The following KDM7A variants were observed in gnomAD, a reference collection of about 807,000 sequenced individuals.
KDM7A encodes the protein lysine demethylase 7A.
KDM7A carries 28 observed loss-of-function variants against 114.8 expected under a neutral mutation model. The ratio of observed to expected loss-of-function variants is 0.24; its 90% CI spans 0.18 to 0.33. KDM7A has a LOEUF of 0.33. KDM7A is among the 10% of genes least tolerant of loss of function. The pLI, the probability that KDM7A is intolerant of heterozygous loss-of-function variation, is 1.00. For synonymous variants in KDM7A, 423 were observed against 397.8 expected, an observed-to-expected ratio of 1.06 and a Z score of -0.75; for missense variants, 942 against 1,142.5, an observed-to-expected ratio of 0.82 and a Z score of 2.53.
chr7:140,131,109 C>T (rs1056949908), intron 3 of KDM7A, among the ~76,000 whole-genome samples: 1 of 152,022 alleles, frequency 6.6e-6, no homozygotes, highest in Non-Finnish European at 1.5e-5. Context: ...GCTCATGATC[C>T]ACCCACCTCG....
intron 1 of KDM7A, among the ~76,000 whole-genome samples, chr7:140,166,246 C>T (rs971790139): frequency 5.3e-5 from 8 of 151,910 alleles, no homozygotes; most frequent in Non-Finnish European, 7.4e-5. Context: ...ATACGATTCT[C>T]TCCACAGATG....
At position 140,097,560 on chromosome 7, in the gene KDM7A, G is replaced by T. The variant is rs148957004; in HGVS notation, c.2001C>A (p.Pro667=). 3.1e-6 allele frequency: 5 copies of T among 1,590,446 alleles called. No individual in the cohort carries two copies. The South Asian group carries it at 4.4e-5, about 14-fold the overall frequency. The change falls in exon 15 of 20, where the codon CCC becomes CCA. Residue 667 remains proline, a synonymous_variant. Transcript: ENST00000397560. ...SDISESEDSG[P]ECTALKSIFT... The stretch of plus-strand genomic sequence containing the variant: ...TCAGGCGTACCAGTGCAGTGCACTC[G>T]GGTCCGGAGTCTTCTGACTCAGAAA...
intron 1 of KDM7A, among the ~76,000 whole-genome samples, chr7:140,171,459 T>C (rs1211707066): frequency 6.7e-6 from 1 of 148,660 alleles, no homozygotes; most frequent in African/African-American, 2.5e-5. Flanking sequence ...CAGAGCAAGA[T>C]TCGGTCTCAA....
At chr7:140,165,059 A>T (rs1794559150) in intron 1 of KDM7A, among the ~76,000 whole-genome samples, 1 of 152,228 alleles carries the variant, frequency 6.6e-6, no homozygotes, top group Non-Finnish European at 1.5e-5. Context: ...TTGAAAGGAA[A>T]ATACTCACCA....
intron 17 of KDM7A, among the ~76,000 whole-genome samples, chr7:140,096,207 G>A (rs1818106293): frequency 6.6e-6 from 1 of 152,022 alleles, no homozygotes; most frequent in Non-Finnish European, 1.5e-5. Flanking sequence ...CTCATAAAAG[G>A]AAAAAGGGCT....
At chr7:140,101,835 A>G (rs2116753608) in intron 12 of KDM7A, 116 bp downstream of exon 12, 3 of 715,532 alleles carry the variant, frequency 4.2e-6, no homozygotes, top group African/African-American at 1.8e-5. Context: ...TGATCCCTAC[A>G]ATGCTGCAGC....
intron 7 of KDM7A, among the ~76,000 whole-genome samples, chr7:140,123,498 T>C (rs1162303530): frequency 2.0e-5 from 3 of 152,180 alleles, no homozygotes; most frequent in Non-Finnish European, 4.4e-5. Flanking sequence ...TTATCCAAAA[T>C]GCTTGGAACC....
Position 140,119,197 on chromosome 7 carries a change from G to A in KDM7A, c.1162C>T (p.Leu388=). ...QLRCYEMEKR[L]KTPDLFKFPF... is the part of the protein sequence containing the mutation. Reference sequence around the variant, plus strand: ...AATTTGAAAAGATCTGGTGTTTTTAGCCTTTTCTCCATCTCATAACACCTA... The same window carrying A: ...AATTTGAAAAGATCTGGTGTTTTTAACCTTTTCTCCATCTCATAACACCTA... The change falls in exon 9 of 20, where the codon CTA becomes TTA. Residue 388 remains leucine, a synonymous_variant. Coordinates refer to ENST00000397560, the MANE Select transcript of KDM7A (RefSeq NM_030647.2). 1 of 1,604,744 alleles carries A rather than the reference G, an allele frequency of 6.2e-7. No homozygotes were observed. The highest frequency in any genetic ancestry group is 8.5e-7 in the Non-Finnish European group (1 of 1,173,676).
chr7:140,103,836 T>A (rs902492692), intron 11 of KDM7A, among the ~76,000 whole-genome samples: 6 of 152,228 alleles, frequency 3.9e-5, no homozygotes, highest in Admixed American at 2.0e-4. Context: ...AGTAATGGGA[T>A]GGCTGGGTCA....
chr7:140,119,090 C>T, intron 9 of KDM7A, 23 bp downstream of exon 9: 1 of 1,405,848 alleles, frequency 7.1e-7, no homozygotes, highest in Non-Finnish European at 1.0e-6. Context: ...ATATCATATA[C>T]AAACATGCAA....
chr7:140,100,677 TATAC>T (rs1303207937), intron 12 of KDM7A, among the ~76,000 whole-genome samples: 523 of 41,356 alleles, frequency 0.013, 6 homozygotes, highest in Admixed American at 0.032. Flanking sequence ...TATATATATA[TATAC>T]ATATATACAT....
intron 1 of KDM7A, among the ~76,000 whole-genome samples, chr7:140,162,432 A>G (rs1371759789): frequency 6.6e-6 from 1 of 152,224 alleles, no homozygotes; most frequent in Middle Eastern, 3.2e-3. Context: ...TGGCATTTCT[A>G]AATTATAAAG....
intron 2 of KDM7A, among the ~76,000 whole-genome samples, chr7:140,135,272 C>T (rs933955530): frequency 2.0e-4 from 30 of 148,388 alleles, no homozygotes; most frequent in African/African-American, 6.5e-4. Context: ...GGCATGATCT[C>T]GGCTCATTGC....
intron 1 of KDM7A, among the ~76,000 whole-genome samples, chr7:140,152,221 A>G (rs1414095818): frequency 6.6e-6 from 1 of 152,236 alleles, no homozygotes; most frequent in African/African-American, 2.4e-5. Context: ...ATGCTTTTTC[A>G]TTCTTGATGA....
intron 1 of KDM7A, among the ~76,000 whole-genome samples, chr7:140,165,895 T>A (rs912758144): frequency 6.6e-6 from 1 of 152,168 alleles, no homozygotes; most frequent in African/African-American, 2.4e-5. Context: ...AGAACAATTC[T>A]ATCTATAAAA....
At chr7:140,128,415 CTTT>C (rs1818738928) in intron 4 of KDM7A, among the ~76,000 whole-genome samples, 1 of 152,160 alleles carries the variant, frequency 6.6e-6, no homozygotes, top group South Asian at 2.1e-4. Flanking sequence ...TTATAGACTT[CTTT>C]ATCATCAGGA....
At position 140,091,796 on chromosome 7, in the gene KDM7A, A is replaced by G. The variant is rs369167096; in HGVS notation, c.2731+8T>C. 5.0e-6 allele frequency: 8 copies of G among 1,610,762 alleles called. No homozygotes were observed. In the African/African-American group the frequency reaches 1.1e-4, roughly 22 times the overall value. On this transcript the variant is annotated splice_region_variant and intron_variant, in intron 19 of 19. Transcript: ENST00000397560. The stretch of plus-strand genomic sequence containing the variant: ...AATATACTTTCTCTATACATGTGTG[A>G]AAGTTACCTTTTGTTGCCTGGTTGC...
At position 140,088,365 on chromosome 7, in the gene KDM7A, TATC is replaced by T. The variant is rs1271467282; in HGVS notation, c.*2726_*2728del. 1.8e-5 allele frequency: 7 copies of T among 394,902 alleles called. No homozygotes were observed. Among genetic ancestry groups the T allele is most frequent in the Non-Finnish European group, 3.1e-5 (7 of 223,968 alleles). The allele number at this position is 394,902 out of a possible 1,614,324, so 24.5% of individuals were successfully genotyped here. The stretch of plus-strand genomic sequence containing the variant: ...CTTATTTGAAACAATACAGGAAAAT[TATC>T]ATCTATTCCTATTACTAAAGTTGCA... On this transcript the variant is annotated 3_prime_UTR_variant, in exon 20 of 20. Coordinates refer to ENST00000397560, the MANE Select transcript of KDM7A (RefSeq NM_030647.2).
chr7:140,160,659 G>A (rs1392240327), intron 1 of KDM7A, among the ~76,000 whole-genome samples: 1 of 152,210 alleles, frequency 6.6e-6, no homozygotes, highest in East Asian at 1.9e-4. Context: ...AAGTGATCCT[G>A]AGGGAGAGTG....
Sources: allele counts gnomAD v4.1 joint callset (sites outside exome capture counted in the v4.1 genomes callset), GRCh38; gene constraint gnomAD v4.1.1; transcripts MANE v1.5; gene names NCBI Gene and HGNC (gene_info 2026-07-23, HGNC 2026-07-21).